PATJ: variants seen among roughly 807,000 people sequenced by gnomAD.
The protein encoded by PATJ is inaD-like protein.
In PATJ, 190 loss-of-function variants were observed where a neutral mutation model predicts 224.9. The ratio of observed to expected loss-of-function variants is 0.84; its 90% CI spans 0.75 to 0.95. The LOEUF (loss-of-function observed/expected upper bound fraction) is 0.95. Among genes scored for constraint, PATJ ranks in the 40% least tolerant of loss-of-function variants. The probability of loss-of-function intolerance (pLI) is 0.00; values close to 1 mark genes in which losing one functional copy is unlikely to be tolerated. For missense variants in PATJ, 2,121 were observed against 2,270.3 expected (o/e 0.93, Z 1.34); for synonymous variants, 769 against 820.3 (o/e 0.94, Z 1.07).
At chr1:61,762,461 A>C (rs1646022570) in intron 1 of PATJ, among the ~76,000 whole-genome samples, 1 of 152,190 alleles carries the variant, frequency 6.6e-6, no homozygotes, top group Non-Finnish European at 1.5e-5. Context: ...AAAATGCTGT[A>C]AACTTTCATG....
At position 61,823,090 on chromosome 1, in the gene PATJ, T is replaced by TG; in HGVS notation, c.1818+15dup. 6.2e-7 allele frequency: 1 copy of TG among 1,613,628 alleles called. No homozygotes were observed. The highest frequency in any genetic ancestry group is 8.5e-7 in the Non-Finnish European group (1 of 1,179,790). On this transcript the variant is annotated intron_variant, in intron 15 of 43. Coordinates refer to ENST00000642238, the MANE Select transcript of PATJ (RefSeq NM_001350145.3). Reference sequence around the variant, plus strand: ...GATGAGCTGCTTGAGGTAAAATTTATGGGGAAAGAAAGACACAGGCAAGAA... The same window carrying TG: ...GATGAGCTGCTTGAGGTAAAATTTATGGGGGAAAGAAAGACACAGGCAAGAA...
At chr1:61,835,543 A>G (rs1284816316) in intron 17 of PATJ, among the ~76,000 whole-genome samples, 2 of 152,136 alleles carry the variant, frequency 1.3e-5, no homozygotes, top group African/African-American at 2.4e-5. Flanking sequence ...AGCTGGGACT[A>G]CAGGCACGCA....
At chr1:62,129,753 C>T (rs1361708877) in intron 41 of PATJ, among the ~76,000 whole-genome samples, 1 of 152,058 alleles carries the variant, frequency 6.6e-6, no homozygotes, top group Non-Finnish European at 1.5e-5. Flanking sequence ...CCAGCCTGGA[C>T]AACATGGTGA....
chr1:62,117,392 C>G, intron 37 of PATJ, 174 bp downstream of exon 37: 1 of 1,415,568 alleles, frequency 7.1e-7, no homozygotes, highest in East Asian at 2.6e-5. Flanking sequence ...GATGGAAATT[C>G]ATTAATCCCT....
At chr1:61,768,292 A>G (rs1011726970) in intron 4 of PATJ, among the ~76,000 whole-genome samples, 3 of 151,352 alleles carry the variant, frequency 2.0e-5, no homozygotes, top group African/African-American at 7.3e-5. Flanking sequence ...ACACGGTGAA[A>G]CCCCGTCTCT....
rs1010346132 is a variant in PATJ at position 61,783,393 on chromosome 1, G to A, written c.850-4361G>A. On this transcript the variant is annotated intron_variant, in intron 7 of 43. Coordinates refer to ENST00000642238, the MANE Select transcript of PATJ (RefSeq NM_001350145.3). Reference sequence around the variant, plus strand: ...CATTGTCTGAGTTGTGGAAGTATTTGGTGCCTTTTTTTTTCCTTTCTTTTC... The same window carrying A: ...CATTGTCTGAGTTGTGGAAGTATTTAGTGCCTTTTTTTTTCCTTTCTTTTC... Among the ~76,000 whole-genome samples, 3 of 148,686 alleles carry A rather than the reference G, an allele frequency of 2.0e-5. No individual in the cohort carries two copies. In the East Asian group the frequency reaches 5.9e-4, roughly 29 times the overall value.
chr1:62,051,199 A>G (rs1653551411), intron 31 of PATJ, 141 bp downstream of exon 31: 1 of 654,796 alleles, frequency 1.5e-6, no homozygotes, highest in Admixed American at 2.5e-5. Context: ...TATTATATGT[A>G]GTGAGTGACC....
intron 27 of PATJ, among the ~76,000 whole-genome samples, chr1:61,947,334 A>G (rs141280296): frequency 0.023 from 3,508 of 152,308 alleles, 123 homozygotes; most frequent in African/African-American, 0.08. Context: ...ATCTAAGCCC[A>G]AAATCTCCTT....
At chr1:62,015,444 G>T (rs192775218) in intron 28 of PATJ, among the ~76,000 whole-genome samples, 353 of 152,302 alleles carry the variant, frequency 2.3e-3, no homozygotes, top group Non-Finnish European at 3.8e-3. Context: ...GCTTTGTGAA[G>T]TAGGTACTTA....
chr1:61,814,165 A>G (rs1305967624), intron 14 of PATJ, among the ~76,000 whole-genome samples: 3 of 105,144 alleles, frequency 2.9e-5, no homozygotes, highest in Non-Finnish European at 5.2e-5. Context: ...AGATTCAGTG[A>G]TTCAGTCTCG....
intron 41 of PATJ, among the ~76,000 whole-genome samples, chr1:62,144,851 GTTTATT>G (rs1357526223): frequency 6.8e-6 from 1 of 146,556 alleles, no homozygotes; most frequent in African/African-American, 2.6e-5. Flanking sequence ...TTGTTTGTGG[GTTTATT>G]TTTATCTTAT....
chr1:61,825,980 T>A (rs1449139696), intron 15 of PATJ, among the ~76,000 whole-genome samples: 1 of 152,202 alleles, frequency 6.6e-6, no homozygotes, highest in African/African-American at 2.4e-5. Flanking sequence ...GGTACCTCCC[T>A]GCCTCTTCTT....
intron 30 of PATJ, among the ~76,000 whole-genome samples, chr1:62,038,313 A>G (rs2148513765): frequency 6.6e-6 from 1 of 152,354 alleles, no homozygotes; most frequent in South Asian, 2.1e-4. Flanking sequence ...TGAGCATTTC[A>G]GAATTTACAA....
At chr1:61,957,117 G>A (rs1680548723) in intron 27 of PATJ, among the ~76,000 whole-genome samples, 1 of 152,194 alleles carries the variant, frequency 6.6e-6, no homozygotes, top group African/African-American at 2.4e-5. Context: ...AACTGTAGAT[G>A]TTTAATAAAC....
chr1:62,045,674 G>A (rs1311691147), intron 30 of PATJ, among the ~76,000 whole-genome samples: 1 of 152,120 alleles, frequency 6.6e-6, no homozygotes, highest in African/African-American at 2.4e-5. Flanking sequence ...AGCAAGAGAC[G>A]ACAGGAACAC....
intron 17 of PATJ, among the ~76,000 whole-genome samples, chr1:61,842,346 T>A (rs1439979127): frequency 6.6e-6 from 1 of 152,164 alleles, no homozygotes; most frequent in African/African-American, 2.4e-5. Context: ...ATTTCATCGC[T>A]CTGGAATACG....
At position 62,114,123 on chromosome 1, in the gene PATJ, AGGTGCGGCTGGT is replaced by A. The variant is rs750996037; in HGVS notation, c.4537_4548del (p.Arg1513_Val1516del). ...ACAGCCCTGAGGCAGACCCCCCAGA[AGGTGCGGCTGGT>A]GGTGTATAGAGATGAGGCACACTAC... On this transcript the variant is annotated inframe_deletion, in exon 35 of 44. Coordinates refer to ENST00000642238, the MANE Select transcript of PATJ (RefSeq NM_001350145.3). The A allele has an allele frequency of 1.2e-6, 2 of 1,614,150 alleles. No homozygotes were observed. Among genetic ancestry groups the A allele is most frequent in the Admixed American group, 3.3e-5 (2 of 60,026 alleles).
At chr1:62,129,027 A>G in intron 41 of PATJ, 82 bp downstream of exon 41, 1 of 834,084 alleles carries the variant, frequency 1.2e-6, no homozygotes, top group Middle Eastern at 2.3e-4. Flanking sequence ...GGCAGTAGAC[A>G]TCGCCACCCA....
intron 7 of PATJ, among the ~76,000 whole-genome samples, chr1:61,783,763 T>TTC (rs1432705037): frequency 1.3e-5 from 2 of 150,332 alleles, no homozygotes; most frequent in African/African-American, 2.4e-5. Flanking sequence ...TTTTTTTTTT[T>TTC]CTGAGACAGG....
Sources: gnomAD v4.1 joint callset for allele counts (sites outside exome capture counted in the v4.1 genomes callset) on GRCh38, gnomAD v4.1.1 for gene constraint, MANE v1.5 for transcripts, NCBI Gene and HGNC (gene_info 2026-07-23, HGNC 2026-07-21) for gene names.